Variants in CDH13 observed in about 807,000 individuals in gnomAD.
CDH13 encodes cadherin-13.
A neutral mutation model predicts 63.8 loss-of-function variants in CDH13; 24 were observed. That is an observed-to-expected ratio of 0.38 (90% CI 0.27 to 0.53). The LOEUF (loss-of-function observed/expected upper bound fraction) is 0.53, where lower values mean the gene tolerates loss of function less well. CDH13 is among the 20% of genes least tolerant of loss of function. The probability of loss-of-function intolerance (pLI) is 0.85; values close to 1 mark genes in which losing one functional copy is unlikely to be tolerated. For synonymous variants in CDH13, 503 were observed against 355.3 expected (o/e 1.42, Z -4.67); for missense variants, 1,049 against 903.1 (o/e 1.16, Z -2.07).
At chr16:83,043,490 AGT>A (rs67312035) in intron 3 of CDH13, among the ~76,000 whole-genome samples, 40,657 of 131,850 alleles carry the variant, frequency 0.31, 5,406 homozygotes, top group South Asian at 0.36. Context: ...TGTATATATG[AGT>A]GTGTGTGTGT....
At chr16:83,184,659 G>A (rs2038457590) in intron 4 of CDH13, among the ~76,000 whole-genome samples, 1 of 152,164 alleles carries the variant, frequency 6.6e-6, no homozygotes, top group Non-Finnish European at 1.5e-5. Context: ...GGAGGCTAAG[G>A]CAGGAGAATC....
At chr16:82,974,240 A>G (rs1909185285) in intron 2 of CDH13, among the ~76,000 whole-genome samples, 1 of 152,130 alleles carries the variant, frequency 6.6e-6, no homozygotes, top group Non-Finnish European at 1.5e-5. Context: ...TGCCCGGCCT[A>G]AGCTTTCTTT....
chr16:82,807,595 G>A (rs1024769000), intron 1 of CDH13, among the ~76,000 whole-genome samples: 2 of 152,104 alleles, frequency 1.3e-5, no homozygotes, highest in African/African-American at 2.4e-5. Flanking sequence ...ACCCCTGGAA[G>A]TGCAACCATT....
intron 4 of CDH13, among the ~76,000 whole-genome samples, chr16:83,152,011 A>C (rs925412660): frequency 9.4e-5 from 11 of 116,654 alleles, no homozygotes; most frequent in South Asian, 9.4e-4. Flanking sequence ...CAAGACAAAC[A>C]AAAAAAAAAA....
intron 6 of CDH13, among the ~76,000 whole-genome samples, chr16:83,476,219 C>A (rs903797931): frequency 2.0e-5 from 3 of 152,338 alleles, no homozygotes; most frequent in Non-Finnish European, 4.4e-5. Flanking sequence ...TATAGAGCAG[C>A]ATCCTTGATC....
At chr16:83,546,482 C>G (rs1489633370) in intron 7 of CDH13, among the ~76,000 whole-genome samples, 4 of 113,966 alleles carry the variant, frequency 3.5e-5, no homozygotes, top group Non-Finnish European at 5.5e-5. Context: ...TTTTTTTTTT[C>G]TCTGGGTTCA....
chr16:83,631,741 G>A (rs768996296), intron 8 of CDH13, among the ~76,000 whole-genome samples: 29 of 152,186 alleles, frequency 1.9e-4, no homozygotes, highest in South Asian at 1.2e-3. Flanking sequence ...AGCAGCTCCC[G>A]GCAGCAGTCT....
chr16:83,085,064 C>T (rs975131807), intron 3 of CDH13, among the ~76,000 whole-genome samples: 1 of 152,098 alleles, frequency 6.6e-6, no homozygotes, highest in African/African-American at 2.4e-5. Flanking sequence ...TAGTTTTCCC[C>T]TTATATTGGT....
At chr16:82,824,827 A>G (rs1204890462) in intron 1 of CDH13, 2 of 152,230 alleles carry the variant, frequency 1.3e-5, no homozygotes, top group Non-Finnish European at 2.9e-5. Flanking sequence ...CTGCAAAAAA[A>G]TTTGTTAGAA....
At chr16:83,456,032 C>A (rs1428258705) in intron 6 of CDH13, among the ~76,000 whole-genome samples, 1 of 152,234 alleles carries the variant, frequency 6.6e-6, no homozygotes, top group African/African-American at 2.4e-5. Flanking sequence ...TTCAGCGAGG[C>A]TGGAGTTCTG....
At chr16:83,170,875 A>G (rs1218180071) in intron 4 of CDH13, among the ~76,000 whole-genome samples, 1 of 151,888 alleles carries the variant, frequency 6.6e-6, no homozygotes, top group East Asian at 1.9e-4. Flanking sequence ...AAATAGAGAG[A>G]AGAGATCCAG....
intron 1 of CDH13, among the ~76,000 whole-genome samples, chr16:82,651,516 G>A (rs1029404625): frequency 6.6e-6 from 1 of 152,232 alleles, no homozygotes; most frequent in Non-Finnish European, 1.5e-5. Context: ...TATTGGGAGA[G>A]TATATGGGTG....
chr16:82,825,249 G>A (rs1398562164), intron 1 of CDH13: 1 of 152,162 alleles, frequency 6.6e-6, no homozygotes. Context: ...CAGCGCAGGC[G>A]TGTTTTACCT....
intron 4 of CDH13, among the ~76,000 whole-genome samples, chr16:83,163,903 T>C (rs565922220): frequency 1.4e-4 from 21 of 152,252 alleles, no homozygotes; most frequent in African/African-American, 4.8e-4. Context: ...CTCGTCGCTG[T>C]CAACATCATC....
chr16:82,925,823 C>T (rs933656985), intron 2 of CDH13: 4 of 152,170 alleles, frequency 2.6e-5, no homozygotes, highest in African/African-American at 7.2e-5. Flanking sequence ...CTCCAGGTCT[C>T]CTACCACCGA....
chr16:83,484,507 A>G (rs2073843175), intron 6 of CDH13, among the ~76,000 whole-genome samples: 1 of 152,254 alleles, frequency 6.6e-6, no homozygotes, highest in Non-Finnish European at 1.5e-5. Flanking sequence ...TCAATCATCA[A>G]AACCAGCAGG....
intron 3 of CDH13, among the ~76,000 whole-genome samples, chr16:83,102,638 C>A (rs2034539199): frequency 6.6e-6 from 1 of 152,130 alleles, no homozygotes; most frequent in Admixed American, 6.5e-5. Context: ...CAGGACCGCT[C>A]TGGCCACCCT....
chr16:83,045,688 A>C (rs1193867517), intron 3 of CDH13, among the ~76,000 whole-genome samples: 1 of 151,688 alleles, frequency 6.6e-6, no homozygotes, highest in African/African-American at 2.4e-5. Flanking sequence ...AAGGGAAAAA[A>C]ACATCTCCAA....
intron 10 of CDH13, among the ~76,000 whole-genome samples, chr16:83,741,167 T>C (rs1912020523): frequency 6.6e-6 from 1 of 152,220 alleles, no homozygotes; most frequent in South Asian, 2.1e-4. Flanking sequence ...ATACATTTTG[T>C]CAGAAGATTT....
Sources: gnomAD v4.1 joint callset for allele counts (sites outside exome capture counted in the v4.1 genomes callset) on GRCh38, gnomAD v4.1.1 for gene constraint, MANE v1.5 for transcripts, NCBI Gene and HGNC (gene_info 2026-07-23, HGNC 2026-07-21) for gene names.